Variants in ASTN1 observed in about 807,000 individuals in gnomAD.
The protein encoded by ASTN1 is astrotactin-1.
Under a neutral mutation model 140.7 loss-of-function variants are expected in ASTN1, and 41 were observed. That is an observed-to-expected ratio of 0.29 (90% CI 0.23 to 0.38). ASTN1 has a LOEUF of 0.38. Ranked by LOEUF, ASTN1 falls within the 10% of genes least tolerant of loss-of-function variation. The probability of loss-of-function intolerance (pLI) is 1.00; values close to 1 mark genes in which losing one functional copy is unlikely to be tolerated. For synonymous variants in ASTN1, 640 were observed against 652.2 expected (o/e 0.98, Z 0.29); for missense variants, 1,479 against 1,678.8 (o/e 0.88, Z 2.08).
chr1:176,908,989 A>T (rs1170445139), intron 16 of ASTN1, among the ~76,000 whole-genome samples: 5 of 152,212 alleles, frequency 3.3e-5, no homozygotes, highest in Non-Finnish European at 5.9e-5. Flanking sequence ...TGCATAATAA[A>T]GGGGCCAGAA....
In ASTN1 at chr1:176,863,949, G is replaced by C. The variant is rs550493479; in HGVS notation, c.*335C>G. On this transcript the variant is annotated 3_prime_UTR_variant, in exon 23 of 23. Transcript: ENST00000361833. ...GTGCCTACTTAATAGACTTTTCATG[G>C]GGAGCACGGCAGAGCTCTTGAGCAT... The C allele has an allele frequency of 8.3e-5, 90 of 1,090,426 alleles. No individual in the cohort carries two copies. Among genetic ancestry groups the C allele is most frequent in the Admixed American group, 3.4e-4 (7 of 20,566 alleles). The allele number at this position is 1,090,426 out of a possible 1,614,324, so 67.5% of individuals were successfully genotyped here. A position where few individuals can be genotyped will look rare whatever the true frequency, so the allele number is the denominator to read the frequency against.
chr1:177,160,586 T>C (rs903290562), intron 1 of ASTN1, among the ~76,000 whole-genome samples: 1 of 152,222 alleles, frequency 6.6e-6, no homozygotes, highest in African/African-American at 2.4e-5. Flanking sequence ...TAAAAATATA[T>C]TCTATTTACA....
chr1:177,064,089 C>T (rs909357658), intron 1 of ASTN1, among the ~76,000 whole-genome samples: 3 of 152,112 alleles, frequency 2.0e-5, no homozygotes, highest in African/African-American at 7.2e-5. Flanking sequence ...GGTTCTTAGA[C>T]CAAGGTCACC....
chr1:176,890,214 A>G lies in ASTN1; in HGVS notation c.2941-2010T>C, dbSNP rs997471041. On this transcript the variant is annotated intron_variant, in intron 17 of 22. Coordinates refer to ENST00000361833, the MANE Select transcript of ASTN1 (RefSeq NM_004319.3). ...CACCACACCTGTGGTTAGAACCTCA[A>G]AGGAAAAGGTTGAGCTGCCATGAAT... 2.6e-5 allele frequency among the ~76,000 whole-genome samples: 4 copies of G among 152,188 alleles called. No individual in the cohort carries two copies. The East Asian group carries it at 7.7e-4, about 29-fold the overall frequency.
At chr1:177,128,730 T>G (rs1162446962) in intron 1 of ASTN1, among the ~76,000 whole-genome samples, 1 of 152,212 alleles carries the variant, frequency 6.6e-6, no homozygotes, top group Non-Finnish European at 1.5e-5. Flanking sequence ...ATGGGGCAAC[T>G]GAGGGAAAGA....
Position 176,895,360 on chromosome 1 carries a change from C to T in ASTN1, c.2672-530G>A, listed in dbSNP as rs572546406. Among the ~76,000 whole-genome samples, 3 of 152,246 alleles carry T rather than the reference C, an allele frequency of 2.0e-5. No individual in the cohort carries two copies. In the South Asian group the frequency reaches 6.2e-4, roughly 32 times the overall value. ...GAGATCCATTCAAGGTCTACTTTAACCTTTATGATAACTCTCTGCATGGCG... is the reference window on the plus strand; with the variant it reads ...GAGATCCATTCAAGGTCTACTTTAATCTTTATGATAACTCTCTGCATGGCG... On this transcript the variant is annotated intron_variant, in intron 16 of 22. Coordinates refer to ENST00000361833, the MANE Select transcript of ASTN1 (RefSeq NM_004319.3).
At position 177,164,599 on chromosome 1, in the gene ASTN1, G is replaced by A. The variant is rs1214463972; in HGVS notation, c.78C>T (p.Asp26=). 3.7e-6 allele frequency: 6 copies of A among 1,612,454 alleles called. No individual in the cohort carries two copies. ...PAAVLATAAG[D]VDPSKELECK... is the part of the protein sequence containing the mutation. ...ACTCCAGCTCCTTGGATGGATCCAC[G>A]TCGCCGGCGGCCGTGGCCAGCACCG... Residue 26 remains aspartate, a synonymous_variant, in exon 1 of 23, where the codon GAC becomes GAT. Transcript: ENST00000361833.
intron 2 of ASTN1, 41 bp downstream of exon 2, chr1:177,061,037 A>G (rs766889862): frequency 6.8e-7 from 1 of 1,466,626 alleles, no homozygotes; most frequent in Non-Finnish European, 9.1e-7. Context: ...TCAAGGTAAC[A>G]TAAGCTATGG....
intron 22 of ASTN1, among the ~76,000 whole-genome samples, chr1:176,867,108 T>C (rs1668153959): frequency 6.6e-6 from 1 of 152,184 alleles, no homozygotes; most frequent in Admixed American, 6.5e-5. Context: ...GATCTACATT[T>C]CTTCCCCTGC....
chr1:176,985,167 C>T (rs535742222), intron 8 of ASTN1, among the ~76,000 whole-genome samples: 2 of 152,336 alleles, frequency 1.3e-5, no homozygotes, highest in Non-Finnish European at 2.9e-5. Context: ...CCCTCTGTCA[C>T]TTTCATCTGC....
chr1:176,862,947 G>A lies in ASTN1; in HGVS notation c.*1337C>T. On this transcript the variant is annotated 3_prime_UTR_variant, in exon 23 of 23. Transcript: ENST00000361833. ...CCTGGTCAAAGGCATGGTGGCTGAA[G>A]GTGTGTGTTCAGGCCACTGAGTTGT... 1.0e-6 allele frequency: 1 copy of A among 985,480 alleles called. No homozygotes were observed. Among genetic ancestry groups the A allele is most frequent in the Non-Finnish European group, 1.2e-6 (1 of 829,964 alleles). The allele number at this position is 985,480 out of a possible 1,614,324, so 61.0% of individuals were successfully genotyped here.
At chr1:177,104,211 C>T (rs920302230) in intron 1 of ASTN1, among the ~76,000 whole-genome samples, 2 of 152,128 alleles carry the variant, frequency 1.3e-5, no homozygotes, top group Non-Finnish European at 2.9e-5. Context: ...ATGGAAGCAA[C>T]CACAGAGGTT....
At chr1:176,915,704 G>A (rs1183348538) in intron 16 of ASTN1, among the ~76,000 whole-genome samples, 1 of 152,108 alleles carries the variant, frequency 6.6e-6, no homozygotes, top group Non-Finnish European at 1.5e-5. Flanking sequence ...AGGCAGGAAA[G>A]GGTACAATGA....
intron 1 of ASTN1, among the ~76,000 whole-genome samples, chr1:177,077,863 A>T (rs560127589): frequency 1.5e-4 from 23 of 152,220 alleles, no homozygotes; most frequent in Non-Finnish European, 2.6e-4. Flanking sequence ...CGTCTGTGGG[A>T]TGGGCAGTGA....
intron 8 of ASTN1, among the ~76,000 whole-genome samples, chr1:176,985,570 C>T (rs75129968): frequency 7.8e-4 from 118 of 152,202 alleles, no homozygotes; most frequent in African/African-American, 2.6e-3. Context: ...TTCCCCTTTG[C>T]TGTTTGCTGC....
chr1:177,043,055 G>A (rs895069074), intron 2 of ASTN1, among the ~76,000 whole-genome samples: 1 of 152,202 alleles, frequency 6.6e-6, no homozygotes, highest in African/African-American at 2.4e-5. Flanking sequence ...CACTTGTCAG[G>A]TTGTCATTTT....
intron 16 of ASTN1, among the ~76,000 whole-genome samples, chr1:176,926,676 T>C (rs954658522): frequency 2.0e-5 from 3 of 152,238 alleles, no homozygotes; most frequent in Non-Finnish European, 4.4e-5. Flanking sequence ...CTTTTCTACT[T>C]GAGTGCTAAC....
chr1:176,967,475 A>G (rs1672936291), intron 8 of ASTN1, among the ~76,000 whole-genome samples: 1 of 152,234 alleles, frequency 6.6e-6, no homozygotes, highest in Non-Finnish European at 1.5e-5. Context: ...TATTTTGGGT[A>G]GGATCATATT....
chr1:176,946,753 T>G (rs559754682), intron 12 of ASTN1, among the ~76,000 whole-genome samples: 1 of 152,358 alleles, frequency 6.6e-6, no homozygotes, highest in South Asian at 2.1e-4. Flanking sequence ...GAATGCCATG[T>G]GCACCATTAA....
Sources: allele counts gnomAD v4.1 joint callset (sites outside exome capture counted in the v4.1 genomes callset), GRCh38; gene constraint gnomAD v4.1.1; transcripts MANE v1.5; gene names NCBI Gene and HGNC (gene_info 2026-07-23, HGNC 2026-07-21).